Variants in ZNF578 observed in about 807,000 individuals in gnomAD.
ZNF578 encodes zinc finger protein 578.
In ZNF578, 8 loss-of-function variants were observed where a neutral mutation model predicts 8.3. That is an observed-to-expected ratio of 0.96 (90% CI 0.56 to 1.74). ZNF578 has a LOEUF of 1.74. Among genes scored for constraint, ZNF578 ranks in the 40% most tolerant of loss-of-function variants. ZNF578 has a pLI of 0.00. For synonymous variants in ZNF578, 206 were observed against 232.2 expected (o/e 0.89, Z 1.03); for missense variants, 726 against 707.5 (o/e 1.03, Z -0.30).
At chr19:52,503,081 A>G (rs1599911290) in intron 4 of ZNF578, among the ~76,000 whole-genome samples, 1 of 152,134 alleles carries the variant, frequency 6.6e-6, no homozygotes, top group Non-Finnish European at 1.5e-5. Flanking sequence ...TAGTTGGGAC[A>G]GGGTTTCATT....
intron 1 of ZNF578, chr19:52,456,548 G>A (rs1288353467): frequency 6.6e-6 from 1 of 152,246 alleles, no homozygotes; most frequent in African/African-American, 2.4e-5. Context: ...GGTTTGGTCA[G>A]GGCCAGATCT....
At chr19:52,474,569 C>T (rs1033217676) in intron 2 of ZNF578, 13 of 315,812 alleles carry the variant, frequency 4.1e-5, no homozygotes, top group African/African-American at 6.6e-5. Flanking sequence ...GGTTTCTCTC[C>T]AGTATGAATT....
chr19:52,467,398 T>C (rs1332200641), intron 2 of ZNF578, among the ~76,000 whole-genome samples: 2 of 151,622 alleles, frequency 1.3e-5, no homozygotes, highest in Non-Finnish European at 2.9e-5. Context: ...ACCACTGCAC[T>C]CCAGCCTGGG....
intron 2 of ZNF578, among the ~76,000 whole-genome samples, chr19:52,489,878 T>G (rs1405198880): frequency 1.3e-5 from 2 of 152,156 alleles, no homozygotes; most frequent in East Asian, 3.9e-4. Flanking sequence ...GGATGATCTC[T>G]ATCTCCTGAC....
At position 52,475,040 on chromosome 19, in the gene ZNF578, GCACAT is replaced by G. The variant is rs375730862; in HGVS notation, c.-121-16283_-121-16279del. ...GATGTGAATTGCGATTAAAGACCTT[GCACAT>G]TCATTACGTTTGTAAGATTTCTCTC... is the stretch of plus-strand genomic sequence containing the variant. On this transcript the variant is annotated intron_variant, in intron 2 of 5. Transcript: ENST00000421239. 44 of 190,140 alleles carry G rather than the reference GCACAT, an allele frequency of 2.3e-4. No homozygotes were observed. In the East Asian group the frequency reaches 6.9e-3, roughly 30 times the overall value. The allele number at this position is 190,140 out of a possible 1,614,324, so 11.8% of individuals were successfully genotyped here.
intron 5 of ZNF578, 102 bp from the exon 6 acceptor site, chr19:52,510,470 G>A: frequency 7.3e-7 from 1 of 1,371,134 alleles, no homozygotes; most frequent in Non-Finnish European, 9.5e-7. Flanking sequence ...TCATGTTTGG[G>A]AAGTTTAAAA....
chr19:52,511,175 G>A lies in ZNF578; in HGVS notation c.794G>A (p.Gly265Asp), dbSNP rs561969065. ...GEKQYKFDIC[G>D]KVFNEKRYLA... ...AAACAATATAAATTTGATATATGTG[G>A]CAAAGTCTTTAATGAGAAGCGATAC... is the stretch of plus-strand genomic sequence containing the variant. Residue 265 changes from glycine (G) to aspartate (D), a missense_variant, in exon 6 of 6, where the codon GGC (glycine) becomes GAC (aspartate). By Grantham distance (94) the Gly-to-Asp change is moderately conservative. Coordinates refer to ENST00000421239, the MANE Select transcript of ZNF578 (RefSeq NM_001099694.2). 1.2e-6 allele frequency: 2 copies of A among 1,614,084 alleles called. No homozygotes were observed. Among genetic ancestry groups the A allele is most frequent in the Non-Finnish European group, 1.7e-6 (2 of 1,180,036 alleles).
rs913839757 is a variant in ZNF578 at position 52,501,988 on chromosome 19, G to A, written c.63+80G>A. On this transcript the variant is annotated intron_variant, in intron 4 of 5. Coordinates refer to ENST00000421239, the MANE Select transcript of ZNF578 (RefSeq NM_001099694.2). Reference sequence around the variant, plus strand: ...TAGTATTATATTGTATTGTAGTAATGTATTGTAACAGCCAGTCTTTTCTGA... The same window carrying A: ...TAGTATTATATTGTATTGTAGTAATATATTGTAACAGCCAGTCTTTTCTGA... 7.1e-6 allele frequency: 11 copies of A among 1,544,194 alleles called. No individual in the cohort carries two copies. In the Admixed American group the frequency reaches 7.9e-5, roughly 11 times the overall value.
intron 2 of ZNF578, among the ~76,000 whole-genome samples, chr19:52,485,350 G>T (rs1329289395): frequency 1.3e-5 from 2 of 152,174 alleles, no homozygotes; most frequent in Non-Finnish European, 2.9e-5. Flanking sequence ...AGAGCATTTT[G>T]CAAATAGAGC....
chr19:52,478,090 C>A (rs77144465), intron 2 of ZNF578, among the ~76,000 whole-genome samples: 1 of 152,198 alleles, frequency 6.6e-6, no homozygotes, highest in Non-Finnish European at 1.5e-5. Flanking sequence ...TCCAGCAGCA[C>A]GGTTCTGTCT....
intron 1 of ZNF578, chr19:52,455,620 C>T (rs1294715424): frequency 1.3e-5 from 2 of 152,274 alleles, no homozygotes. Context: ...TCTTCTGGGA[C>T]ATCCAACAGG....
chr19:52,465,337 C>T (rs969495176), intron 2 of ZNF578, among the ~76,000 whole-genome samples: 6 of 152,016 alleles, frequency 3.9e-5, no homozygotes, highest in Non-Finnish European at 7.4e-5. Flanking sequence ...CTGGAGAAGC[C>T]GTGGGCTGAA....
At position 52,514,908 on chromosome 19, in the gene ZNF578, G is replaced by A. The variant is rs191900554; in HGVS notation, c.*2754G>A. ...AAACTCCTGACCTCGCGATCCACCC[G>A]ACTCAGCCTCCCACTGTGATGGGAT... On this transcript the variant is annotated 3_prime_UTR_variant, in exon 6 of 6. Coordinates refer to ENST00000421239, the MANE Select transcript of ZNF578 (RefSeq NM_001099694.2). Among the ~76,000 whole-genome samples the A allele has an allele frequency of 4.7e-5, 7 of 149,702 alleles. No homozygotes were observed. Among genetic ancestry groups the A allele is most frequent in the Non-Finnish European group, 7.4e-5 (5 of 67,722 alleles).
At chr19:52,495,328 C>T (rs2447900) in intron 3 of ZNF578, among the ~76,000 whole-genome samples, 7,160 of 106,558 alleles carry the variant, frequency 0.067, 272 homozygotes, top group Admixed American at 0.081. Context: ...CACCATGCCC[C>T]GCTAATTTTG....
intron 4 of ZNF578, 78 bp downstream of exon 4, chr19:52,501,986 A>T: frequency 3.2e-6 from 5 of 1,547,658 alleles, no homozygotes; most frequent in Non-Finnish European, 4.4e-6. Flanking sequence ...TATTGTAGTA[A>T]TGTATTGTAA....
chr19:52,486,278 A>G (rs910532670), intron 2 of ZNF578, among the ~76,000 whole-genome samples: 7 of 152,036 alleles, frequency 4.6e-5, no homozygotes, highest in Admixed American at 1.3e-4. Context: ...CTATTACCCT[A>G]TTGTTCTGCC....
At chr19:52,480,735 A>G (rs1177980430) in intron 2 of ZNF578, among the ~76,000 whole-genome samples, 1 of 151,840 alleles carries the variant, frequency 6.6e-6, no homozygotes, top group African/African-American at 2.4e-5. Context: ...GTCTCTACCA[A>G]AAATAACAAA....
rs1474274454 is a variant in ZNF578, at chr19:52,515,125, G to C, written c.*2971G>C. Among the ~76,000 whole-genome samples, 1 of 151,478 alleles carries C rather than the reference G, an allele frequency of 6.6e-6. No individual in the cohort carries two copies. The highest frequency in any genetic ancestry group is 3.4e-3 in the Middle Eastern group (1 of 294). ...ATTACAGGTGCCCTCCACCACTCCC[G>C]GCTCATTTTTTGCATTTTTAGTAGA... is the stretch of plus-strand genomic sequence containing the variant. On this transcript the variant is annotated 3_prime_UTR_variant, in exon 6 of 6. Coordinates refer to ENST00000421239, the MANE Select transcript of ZNF578 (RefSeq NM_001099694.2).
intron 2 of ZNF578, among the ~76,000 whole-genome samples, chr19:52,480,513 C>A (rs377249065): frequency 6.6e-6 from 1 of 151,922 alleles, no homozygotes; most frequent in Non-Finnish European, 1.5e-5. Flanking sequence ...GCAGATGAAG[C>A]TAAATAACCA....
Sources: allele counts gnomAD v4.1 joint callset (sites outside exome capture counted in the v4.1 genomes callset), GRCh38; gene constraint gnomAD v4.1.1; transcripts MANE v1.5; gene names NCBI Gene and HGNC (gene_info 2026-07-23, HGNC 2026-07-21).